Variants in PRDM16 observed in about 807,000 individuals in gnomAD.
PRDM16 encodes the protein PR/SET domain 16.
PRDM16 carries 23 observed loss-of-function variants against 110.6 expected under a neutral mutation model. The observed-to-expected ratio is 0.21, with a 90% CI of 0.15 to 0.29. PRDM16 has a LOEUF of 0.29. PRDM16 is among the 10% of genes least tolerant of loss of function. The pLI is 1.00. For missense variants in PRDM16, 1,615 were observed against 1,794.3 expected (o/e 0.90, Z 1.81); for synonymous variants, 799 against 781.8 (o/e 1.02, Z -0.37).
chr1:3,413,680 G>A (rs1036643149), intron 9 of PRDM16, among the ~76,000 whole-genome samples: 1 of 152,144 alleles, frequency 6.6e-6, no homozygotes, highest in African/African-American at 2.4e-5. Flanking sequence ...GCAACGGGGT[G>A]GCAGGTTTAC....
rs1478463615 is a variant in PRDM16 at position 3,370,759 on chromosome 1, T to C, written c.439-14393T>C. ...TACGAAGTTGGGGAAGCCATAAGTG[T>C]CTGGGCAAGTTGAGGGGAGGGTCTG... is the stretch of plus-strand genomic sequence containing the variant. On this transcript the variant is annotated intron_variant, in intron 3 of 16. Transcript: ENST00000270722. This position sits in a 1 kb window ranked among gnomAD's most constrained non-coding sequence, Gnocchi z 4.8. Among the ~76,000 whole-genome samples, 1 of 152,166 alleles carries C rather than the reference T, an allele frequency of 6.6e-6. No homozygotes were observed. Among genetic ancestry groups the C allele is most frequent in the Non-Finnish European group, 1.5e-5 (1 of 68,026 alleles).
intron 2 of PRDM16, among the ~76,000 whole-genome samples, chr1:3,240,073 GAGGAGA>G (rs1639632370): frequency 1.5e-5 from 2 of 134,256 alleles, no homozygotes; most frequent in Admixed American, 7.3e-5. Context: ...GAGGAGAGGA[GAGGAGA>G]GGAGAGGAGA....
chr1:3,242,379 C>T (rs1639693068), intron 2 of PRDM16, among the ~76,000 whole-genome samples: 1 of 152,220 alleles, frequency 6.6e-6, no homozygotes, highest in Non-Finnish European at 1.5e-5. Flanking sequence ...CGGGGCGGCT[C>T]ACTACGGCGG....
chr1:3,217,959 C>A (rs768209420), intron 2 of PRDM16, among the ~76,000 whole-genome samples: 2 of 152,228 alleles, frequency 1.3e-5, no homozygotes, highest in African/African-American at 4.8e-5. Context: ...CCTCTGTCAC[C>A]GATGTTGGGG....
intron 1 of PRDM16, among the ~76,000 whole-genome samples, chr1:3,079,539 G>T (rs1012700064): frequency 1.3e-5 from 2 of 152,220 alleles, no homozygotes; most frequent in African/African-American, 4.8e-5. Context: ...CGCATGGAGC[G>T]GCCTGGCCCC....
chr1:3,293,289 G>A (rs1459445028), intron 3 of PRDM16, among the ~76,000 whole-genome samples: 1 of 152,244 alleles, frequency 6.6e-6, no homozygotes, highest in Non-Finnish European at 1.5e-5. Flanking sequence ...CTCTCCACCT[G>A]AGAAGCAGCG....
At chr1:3,381,829 A>G (rs945632654) in intron 3 of PRDM16, among the ~76,000 whole-genome samples, 2 of 152,184 alleles carry the variant, frequency 1.3e-5, no homozygotes, top group Non-Finnish European at 2.9e-5. Flanking sequence ...GCATGCTGAG[A>G]GGGAGAGATA....
chr1:3,263,157 A>C (rs1640208785), intron 3 of PRDM16, among the ~76,000 whole-genome samples: 1 of 152,120 alleles, frequency 6.6e-6, no homozygotes, highest in South Asian at 2.1e-4. Context: ...CTCAGGCACC[A>C]GCAGCCTCTT....
rs111332606 is a variant in PRDM16 at position 3,165,759 on chromosome 1, C to T, written c.38-20366C>T. Among the ~76,000 whole-genome samples the T allele has an allele frequency of 6.2e-4, 25 of 40,142 alleles. 1 individual carries two copies. The highest frequency in any genetic ancestry group is 1.0e-3 in the Admixed American group (4 of 3,814). 26.3% of individuals were successfully genotyped at this position (40,142 alleles called of 152,430 possible). A position where few individuals can be genotyped will look rare whatever the true frequency, so the allele number is the denominator to read the frequency against. On this transcript the variant is annotated intron_variant, in intron 1 of 16. Transcript: ENST00000270722. ...CTCAGGGACAGTGACTCACCTGGGC[C>T]CAGGGACAGGGACTCACCAGGGCTC...
At chr1:3,432,591 G>A (rs1308780592) in intron 16 of PRDM16, among the ~76,000 whole-genome samples, 1 of 152,172 alleles carries the variant, frequency 6.6e-6, no homozygotes, top group Non-Finnish European at 1.5e-5. Context: ...CAGGGTTTTG[G>A]CCCCAGGCGC....
At position 3,438,403 on chromosome 1, in the gene PRDM16, A is replaced by G. The variant is rs1638963008; in HGVS notation, c.*4592A>G. The G allele has an allele frequency of 4.9e-6, 1 of 203,514 alleles. No individual in the cohort carries two copies. The highest frequency in any genetic ancestry group is 1.0e-5 in the Non-Finnish European group (1 of 99,342). 12.6% of individuals were successfully genotyped at this position (203,514 alleles called of 1,614,324 possible). ...AAGAATGAAATAAGACGTGAAGTGT[A>G]GGAAATCATGAAAAGAACAATTTTG... On this transcript the variant is annotated 3_prime_UTR_variant, in exon 17 of 17. Transcript: ENST00000270722.
Position 3,412,017 on chromosome 1 carries a change from T to C in PRDM16, c.1820T>C (p.Val607Ala), listed in dbSNP as rs866882253. 4.3e-6 allele frequency: 7 copies of C among 1,613,244 alleles called. No individual in the cohort carries two copies. The African/African-American group carries it at 8.0e-5, about 18-fold the overall frequency. ...TCGGACGGCAGTGACTTTGAGGACG[T>C]CAACACCACCACGGGGACCGACCTG... is the stretch of plus-strand genomic sequence containing the variant. ...DMSDGSDFEDVNTTTGTDLDT... is the reference protein window; with the variant it reads ...DMSDGSDFEDANTTTGTDLDT... The change falls in exon 9 of 17, where the codon GTC becomes GCC. Residue 607 changes from valine to alanine, a missense_variant. Val to Ala is a moderately conservative substitution (Grantham distance 64). Transcript: ENST00000270722.
At chr1:3,079,508 C>T (rs1557430415) in intron 1 of PRDM16, among the ~76,000 whole-genome samples, 2 of 152,194 alleles carry the variant, frequency 1.3e-5, no homozygotes, top group Non-Finnish European at 2.9e-5. Context: ...GAAAATACTG[C>T]TGCCTTAGGC....
In PRDM16 at chr1:3,128,440, C is replaced by T. The variant is rs140428408; in HGVS notation, c.38-57685C>T. The stretch of plus-strand genomic sequence containing the variant: ...ACATCCCATGCACGGCTTTGGGAAA[C>T]GCAGGTCACAGTAGCAGGGCATTGA... On this transcript the variant is annotated intron_variant, in intron 1 of 16. Transcript: ENST00000270722. Among the ~76,000 whole-genome samples the T allele has an allele frequency of 1.6e-4, 25 of 152,292 alleles. No homozygotes were observed. The East Asian group carries it at 3.1e-3, about 19-fold the overall frequency.
At chr1:3,383,528 C>T (rs190488725) in intron 3 of PRDM16, among the ~76,000 whole-genome samples, 14 of 152,294 alleles carry the variant, frequency 9.2e-5, no homozygotes, top group Middle Eastern at 3.4e-3. Flanking sequence ...GCACAGAGAC[C>T]GGGGCACGTG....
At chr1:3,257,715 C>T in intron 3 of PRDM16, among the ~76,000 whole-genome samples, 1 of 152,174 alleles carries the variant, frequency 6.6e-6, no homozygotes, top group East Asian at 1.9e-4. Context: ...ATACGCCTGC[C>T]TTGGGGTCTT....
chr1:3,270,825 A>G (rs1200936209), intron 3 of PRDM16, among the ~76,000 whole-genome samples: 3 of 149,474 alleles, frequency 2.0e-5, no homozygotes, highest in South Asian at 4.3e-4. Context: ...CAGGGGAGGA[A>G]AGTCGGGAGG....
chr1:3,404,461 C>T (rs997319191), intron 6 of PRDM16, among the ~76,000 whole-genome samples: 4 of 152,252 alleles, frequency 2.6e-5, no homozygotes, highest in African/African-American at 4.8e-5. Context: ...GGCCGGGGTC[C>T]GGCACTGCCT....
In PRDM16 at chr1:3,076,456, G is replaced by A. The variant is rs183637823; in HGVS notation, c.37+7160G>A. On this transcript the variant is annotated intron_variant, in intron 1 of 16. Coordinates refer to ENST00000270722, the MANE Select transcript of PRDM16 (RefSeq NM_022114.4). ...GCCACTGAAGCCCTTGCTAGTGGCC[G>A]CCGGCTGGTCCCCTGCGTGGAGTGG... Among the ~76,000 whole-genome samples the A allele has an allele frequency of 3.9e-5, 6 of 152,330 alleles. No individual in the cohort carries two copies. In the East Asian group the frequency reaches 1.2e-3, roughly 29 times the overall value.
Sources: gnomAD v4.1 joint callset for allele counts (sites outside exome capture counted in the v4.1 genomes callset) on GRCh38, gnomAD v4.1.1 for gene constraint, Gnocchi (gnomAD v3.1) non-coding constraint, MANE v1.5 for transcripts, NCBI Gene and HGNC (gene_info 2026-07-23, HGNC 2026-07-21) for gene names.